PDGFB: variants seen among roughly 807,000 people sequenced by gnomAD.
The protein encoded by PDGFB is platelet derived growth factor subunit B.
A neutral mutation model predicts 29.0 loss-of-function variants in PDGFB; 6 were observed. That is an observed-to-expected ratio of 0.21 (90% CI 0.11 to 0.41). The LOEUF is 0.41. Ranked by LOEUF, PDGFB falls within the 10% of genes least tolerant of loss-of-function variation. The pLI, the probability that PDGFB is intolerant of heterozygous loss-of-function variation, is 1.00. For synonymous variants in PDGFB, 144 were observed against 140.8 expected (o/e 1.02, Z -0.16); for missense variants, 299 against 341.8 (o/e 0.87, Z 0.99).
Position 39,243,805 on chromosome 22 carries a change from G to C in PDGFB, c.63+96C>G. 3.0e-6 allele frequency: 3 copies of C among 1,004,212 alleles called. No homozygotes were observed. Among genetic ancestry groups the C allele is most frequent in the East Asian group, 2.9e-5 (1 of 34,338 alleles). The allele number at this position is 1,004,212 out of a possible 1,614,324, so 62.2% of individuals were successfully genotyped here. A position where few individuals can be genotyped will look rare whatever the true frequency, so the allele number is the denominator to read the frequency against. On this transcript the variant is annotated intron_variant, in intron 1 of 6. Coordinates refer to ENST00000331163, the MANE Select transcript of PDGFB (RefSeq NM_002608.4). This position sits in a 1 kb window ranked among gnomAD's most constrained non-coding sequence, Gnocchi z 6.4. ...CGGCGTCAGGCTCGCGGGCTGCAAG[G>C]GTCCAAAGTTCACTGCAGGGAGAGG...
Position 39,243,933 on chromosome 22 carries a change from G to C in PDGFB, c.31C>G (p.Leu11Val), listed in dbSNP as rs1932631499. Reference protein sequence around the residue: MNRCWALFLSLCCYLRLVSAE... With the variant: MNRCWALFLSVCCYLRLVSAE... ...CTGACCAGACGCAGGTAGCAGCAGA[G>C]AGACAGGAAGAGCGCCCAGCAGCGA... The change falls in exon 1 of 7, where the codon CTC becomes GTC. Residue 11 changes from leucine to valine, a missense_variant. By Grantham distance (32) the Leu-to-Val change is conservative. Coordinates refer to ENST00000331163, the MANE Select transcript of PDGFB (RefSeq NM_002608.4). This position sits in a 1 kb window ranked among gnomAD's most constrained non-coding sequence, Gnocchi z 6.4. 6.2e-7 allele frequency: 1 copy of C among 1,605,586 alleles called. No individual in the cohort carries two copies. Among genetic ancestry groups the C allele is most frequent in the Admixed American group, 1.7e-5 (1 of 59,526 alleles).
intron 2 of PDGFB, among the ~76,000 whole-genome samples, chr22:39,234,961 T>G (rs1932406230): frequency 6.6e-6 from 1 of 152,120 alleles, no homozygotes. Context: ...GTGGGGGCCC[T>G]GGCGAACAAT....
In PDGFB at chr22:39,231,653, C is replaced by T. The variant is rs750892467; in HGVS notation, c.425G>A (p.Arg142His). The change falls in exon 4 of 7, where the codon CGC becomes CAC. Residue 142 changes from arginine to histidine, a missense_variant. Physicochemically the swap from Arg to His is conservative, Grantham distance 29 (BLOSUM62 0). Transcript: ENST00000331163. This position sits in a 1 kb window ranked among gnomAD's most constrained non-coding sequence, Gnocchi z 4.3. ...AGGTCGCAGCTGCACCTGGGTGGGG[C>T]GGCACTGCACGTTGCGGTTGTTGCA... ...GCCNNRNVQC[R>H]PTQVQLRPVQ... 2.5e-6 allele frequency: 4 copies of T among 1,581,386 alleles called. No individual in the cohort carries two copies. The highest frequency in any genetic ancestry group is 8.6e-7 in the Non-Finnish European group (1 of 1,164,818).
intron 1 of PDGFB, among the ~76,000 whole-genome samples, chr22:39,236,949 A>G (rs1303790917): frequency 1.3e-5 from 2 of 152,068 alleles, no homozygotes; most frequent in Non-Finnish European, 2.9e-5. Context: ...GCACATTACT[A>G]TAGAACCTTG....
chr22:39,229,339 G>A (rs944668832), intron 5 of PDGFB, among the ~76,000 whole-genome samples: 16 of 152,124 alleles, frequency 1.1e-4, no homozygotes, highest in African/African-American at 3.4e-4. Flanking sequence ...GGCGTGTGCC[G>A]CTATGCCTGG....
chr22:39,225,868 C>A, intron 5 of PDGFB, 21 bp from the exon 6 acceptor site: 1 of 1,605,694 alleles, frequency 6.2e-7, no homozygotes. Flanking sequence ...AAAAGAAAGA[C>A]CTCGTCAGCA....
In PDGFB at chr22:39,243,252, GTCTCTCTCTCTCTCTCTCTCTTTCTC is replaced by G. The variant is rs1269490891; in HGVS notation, c.63+623_63+648del. ...CCTCTCTCTCTCCGTCTCTCTCTCC[GTCTCTCTCTCTCTCTCTCTCTTTCTC>G]TCTCTCTCTCTCTCTCTCCCTGTTA... On this transcript the variant is annotated intron_variant, in intron 1 of 6. Transcript: ENST00000331163. This position sits in a 1 kb window ranked among gnomAD's most constrained non-coding sequence, Gnocchi z 6.4. Among the ~76,000 whole-genome samples, 2 of 143,794 alleles carry G rather than the reference GTCTCTCTCTCTCTCTCTCTCTTTCTC, an allele frequency of 1.4e-5. No homozygotes were observed. The highest frequency in any genetic ancestry group is 2.7e-5 in the African/African-American group (1 of 36,802). 94.3% of individuals were successfully genotyped at this position (143,794 alleles called of 152,430 possible). A position where few individuals can be genotyped will look rare whatever the true frequency, so the allele number is the denominator to read the frequency against.
At position 39,231,023 on chromosome 22, in the gene PDGFB, G is replaced by A. The variant is rs961477328; in HGVS notation, c.456+599C>T. On this transcript the variant is annotated intron_variant, in intron 4 of 6. Coordinates refer to ENST00000331163, the MANE Select transcript of PDGFB (RefSeq NM_002608.4). The surrounding 1 kb of genome is among the most constrained non-coding windows in gnomAD (Gnocchi z 4.3). Reference sequence around the variant, plus strand: ...CCTGAGTCCAGTGTATGTATCCCCCGTCCCTCCGAAGAAAAGCAGGATCAG... The same window carrying A: ...CCTGAGTCCAGTGTATGTATCCCCCATCCCTCCGAAGAAAAGCAGGATCAG... Among the ~76,000 whole-genome samples the A allele has an allele frequency of 4.6e-5, 7 of 152,200 alleles. No individual in the cohort carries two copies. Among genetic ancestry groups the A allele is most frequent in the South Asian group, 2.1e-4 (1 of 4,828 alleles).
chr22:39,230,250 T>C (rs764345359), intron 4 of PDGFB, 22 bp from the exon 5 acceptor site: 1 of 1,612,818 alleles, frequency 6.2e-7, no homozygotes, highest in African/African-American at 1.3e-5. Context: ...AGCCACAAAA[T>C]GCCTCTGTAG....
Position 39,243,032 on chromosome 22 carries a change from T to C in PDGFB, c.63+869A>G. The C allele has an allele frequency of 4.3e-6, 1 of 233,088 alleles. No homozygotes were observed. Among genetic ancestry groups the C allele is most frequent in the African/African-American group, 2.2e-5 (1 of 45,452 alleles). The allele number at this position is 233,088 out of a possible 1,614,324, so 14.4% of individuals were successfully genotyped here. On this transcript the variant is annotated intron_variant, in intron 1 of 6. Transcript: ENST00000331163. This position sits in a 1 kb window ranked among gnomAD's most constrained non-coding sequence, Gnocchi z 6.4. ...AGATGTTTTTATACCCCATCTCCCG[T>C]GCAGCTAGGCTTTTGCAGGCGGCGC...
At chr22:39,238,135 G>A (rs1932488728) in intron 1 of PDGFB, among the ~76,000 whole-genome samples, 1 of 152,192 alleles carries the variant, frequency 6.6e-6, no homozygotes, top group African/African-American at 2.4e-5. Flanking sequence ...CCAGGCCCAC[G>A]ACACATAGGA....
chr22:39,232,554 G>A (rs1428402551), intron 3 of PDGFB, among the ~76,000 whole-genome samples: 26 of 151,886 alleles, frequency 1.7e-4, no homozygotes. Context: ...CAGTGGCGTG[G>A]TCTCGGCTAA....
chr22:39,225,615 C>T, intron 6 of PDGFB, 80 bp downstream of exon 6: 1 of 1,348,064 alleles, frequency 7.4e-7, no homozygotes. Context: ...ATGGAAAAAT[C>T]CTTTCCCCTG....
intron 1 of PDGFB, among the ~76,000 whole-genome samples, chr22:39,237,799 A>G (rs1303485396): frequency 6.6e-6 from 1 of 152,156 alleles, no homozygotes; most frequent in Non-Finnish European, 1.5e-5. Flanking sequence ...CACTGCCCCT[A>G]TGGTCCTGGC....
chr22:39,238,553 C>T (rs371193813), intron 1 of PDGFB, among the ~76,000 whole-genome samples: 21 of 152,314 alleles, frequency 1.4e-4, no homozygotes, highest in African/African-American at 5.1e-4. Context: ...GTATTTGTAT[C>T]CCCATCCTCC....
In PDGFB at chr22:39,243,151, G is replaced by A. The variant is rs1443922660; in HGVS notation, c.63+750C>T. On this transcript the variant is annotated intron_variant, in intron 1 of 6. Coordinates refer to ENST00000331163, the MANE Select transcript of PDGFB (RefSeq NM_002608.4). The surrounding 1 kb of genome is among the most constrained non-coding windows in gnomAD (Gnocchi z 6.4). The stretch of plus-strand genomic sequence containing the variant: ...GCCTCAGGCACACAGCGCCCCGGGG[G>A]CTGGATTCCTTCAGAGCCCCTAGTC... The A allele has an allele frequency of 4.3e-6, 1 of 233,044 alleles. No individual in the cohort carries two copies. Among genetic ancestry groups the A allele is most frequent in the African/African-American group, 2.2e-5 (1 of 45,316 alleles). The allele number at this position is 233,044 out of a possible 1,614,324, so 14.4% of individuals were successfully genotyped here.
intron 5 of PDGFB, 123 bp from the exon 6 acceptor site, chr22:39,225,970 G>C: frequency 8.6e-7 from 1 of 1,168,964 alleles, no homozygotes; most frequent in Non-Finnish European, 1.2e-6. Context: ...ATCTGGACCA[G>C]GGTCCTGGGT....
chr22:39,231,183 T>C lies in PDGFB; in HGVS notation c.456+439A>G, dbSNP rs1932293625. Among the ~76,000 whole-genome samples the C allele has an allele frequency of 6.6e-6, 1 of 152,152 alleles. No individual in the cohort carries two copies. The highest frequency in any genetic ancestry group is 1.5e-5 in the Non-Finnish European group (1 of 68,024). ...GGTGTCAAAGATGCAGGGCCACCCA[T>C]CTGAGCCTTTCTCAAGACAGCCCTG... On this transcript the variant is annotated intron_variant, in intron 4 of 6. Coordinates refer to ENST00000331163, the MANE Select transcript of PDGFB (RefSeq NM_002608.4). The surrounding 1 kb of genome is among the most constrained non-coding windows in gnomAD (Gnocchi z 4.3).
At chr22:39,234,311 C>T (rs1371178786) in intron 2 of PDGFB, among the ~76,000 whole-genome samples, 2 of 152,206 alleles carry the variant, frequency 1.3e-5, no homozygotes, top group Non-Finnish European at 2.9e-5. Context: ...TCCTTGGAGA[C>T]ATCGGTCCTT....
Sources: allele counts gnomAD v4.1 joint callset (sites outside exome capture counted in the v4.1 genomes callset), GRCh38; gene constraint gnomAD v4.1.1; non-coding constraint Gnocchi (gnomAD v3.1); transcripts MANE v1.5; gene names NCBI Gene and HGNC (gene_info 2026-07-23, HGNC 2026-07-21).